Variants in CCDC125 observed in about 807,000 individuals in gnomAD.
CCDC125 encodes the protein coiled-coil domain-containing protein 125.
In CCDC125, 43 loss-of-function variants were observed where a neutral mutation model predicts 57.4. That is an observed-to-expected ratio of 0.75 (90% CI 0.59 to 0.97). CCDC125 has a LOEUF of 0.97. Among genes scored for constraint, CCDC125 ranks in the 50% least tolerant of loss-of-function variants. The probability of loss-of-function intolerance (pLI) is 0.00; values close to 1 mark genes in which losing one functional copy is unlikely to be tolerated. For synonymous variants in CCDC125, 187 were observed against 195.2 expected, an observed-to-expected ratio of 0.96 and a Z score of 0.35; for missense variants, 563 against 595.7, an observed-to-expected ratio of 0.95 and a Z score of 0.57.
intron 1 of CCDC125, among the ~76,000 whole-genome samples, chr5:69,323,237 A>C (rs1760315235): frequency 6.6e-6 from 1 of 151,894 alleles, no homozygotes; most frequent in Non-Finnish European, 1.5e-5. Context: ...TGAACCTGGG[A>C]GACAGAGGTT....
intron 11 of CCDC125, among the ~76,000 whole-genome samples, chr5:69,283,816 GTC>G (rs1752855901): frequency 1.4e-5 from 2 of 143,392 alleles, no homozygotes; most frequent in African/African-American, 5.2e-5. Flanking sequence ...TTGAGACAGA[GTC>G]TCGCTCTGTC....
At chr5:69,292,066 C>A (rs1754546114) in intron 10 of CCDC125, 122 bp downstream of exon 10, 1 of 906,560 alleles carries the variant, frequency 1.1e-6, no homozygotes, top group African/African-American at 1.7e-5. Flanking sequence ...AAGTAAACCA[C>A]AACCATATGT....
intron 1 of CCDC125, among the ~76,000 whole-genome samples, chr5:69,321,685 C>T (rs2150614757): frequency 6.6e-6 from 1 of 152,280 alleles, no homozygotes; most frequent in Admixed American, 6.5e-5. Context: ...CTGTCATTGA[C>T]TGAAACATAA....
chr5:69,322,875 A>T (rs555274968), intron 1 of CCDC125, among the ~76,000 whole-genome samples: 5 of 150,990 alleles, frequency 3.3e-5, no homozygotes, highest in African/African-American at 7.3e-5. Flanking sequence ...ATTTTTTTTT[A>T]AATTAGCTGG....
chr5:69,290,303 T>TATC (rs1223483135), intron 10 of CCDC125, among the ~76,000 whole-genome samples: 1 of 149,634 alleles, frequency 6.7e-6, no homozygotes, highest in Non-Finnish European at 1.5e-5. Flanking sequence ...TTATTATTAC[T>TATC]ATTATTATTA....
chr5:69,288,671 C>T (rs1753900463), intron 10 of CCDC125, among the ~76,000 whole-genome samples: 2 of 152,172 alleles, frequency 1.3e-5, no homozygotes, highest in Admixed American at 6.5e-5. Flanking sequence ...CTGAGGAGGG[C>T]GTCATGGGAG....
intron 3 of CCDC125, 127 bp downstream of exon 3, chr5:69,313,858 C>T: frequency 1.2e-6 from 1 of 869,332 alleles, no homozygotes; most frequent in East Asian, 2.4e-5. Context: ...CAGAGACAGC[C>T]ACAACAGAGG....
intron 1 of CCDC125, among the ~76,000 whole-genome samples, chr5:69,326,867 C>T (rs1282097819): frequency 6.6e-6 from 1 of 151,818 alleles, no homozygotes; most frequent in East Asian, 1.9e-4. Context: ...CTGGGCAACA[C>T]AGTGAGACCT....
In CCDC125 at chr5:69,281,329, A is replaced by C. The variant is rs570965849; in HGVS notation, c.*1400T>G. ...TGAGCAACACAGTGGGACCCTGTCT[A>C]CACACACACCCCACCCCCACACACC... is the stretch of plus-strand genomic sequence containing the variant. On this transcript the variant is annotated 3_prime_UTR_variant, in exon 12 of 12. Transcript: ENST00000396496. 74 of 152,194 alleles carry C rather than the reference A, an allele frequency of 4.9e-4. No homozygotes were observed. The highest frequency in any genetic ancestry group is 1.8e-3 in the African/African-American group (73 of 41,512). The allele number at this position is 152,194 out of a possible 1,614,324, so 9.4% of individuals were successfully genotyped here.
chr5:69,290,141 C>T (rs931227491), intron 10 of CCDC125, among the ~76,000 whole-genome samples: 1 of 151,864 alleles, frequency 6.6e-6, no homozygotes, highest in African/African-American at 2.4e-5. Context: ...CACTTCTTAC[C>T]CTTTTCAGCA....
At chr5:69,278,053 T>A (rs867455661), downstream of CCDC125, among the ~76,000 whole-genome samples, 250 of 152,166 alleles carry the variant, frequency 1.6e-3, 1 homozygote, top group African/African-American at 5.6e-3. Flanking sequence ...TAATTTTTTT[T>A]ATATTTTTAG....
intron 7 of CCDC125, among the ~76,000 whole-genome samples, chr5:69,301,356 G>A (rs779378373): frequency 3.3e-5 from 5 of 152,080 alleles, no homozygotes; most frequent in Non-Finnish European, 7.4e-5. Context: ...TTTTAGGGCT[G>A]GGTGCAGTGG....
chr5:69,305,411 C>A (rs767810301), intron 6 of CCDC125, among the ~76,000 whole-genome samples: 4 of 152,144 alleles, frequency 2.6e-5, no homozygotes, highest in Non-Finnish European at 5.9e-5. Flanking sequence ...CAGGGTTTCG[C>A]CACATTAGCC....
chr5:69,292,522 T>C (rs1474570489), intron 9 of CCDC125, among the ~76,000 whole-genome samples, 160 bp from the exon 10 acceptor site: 2 of 152,214 alleles, frequency 1.3e-5, no homozygotes, highest in African/African-American at 4.8e-5. Context: ...ATGCTTGCTA[T>C]TTCTGCAGTA....
At chr5:69,308,267 G>A in intron 4 of CCDC125, 1 of 542,932 alleles carries the variant, frequency 1.8e-6, no homozygotes, top group Non-Finnish European at 3.3e-6. Flanking sequence ...AAAGTGTTCA[G>A]AACAGTACTA....
At chr5:69,319,966 C>T (rs879442501) in intron 2 of CCDC125, among the ~76,000 whole-genome samples, 1 of 151,888 alleles carries the variant, frequency 6.6e-6, no homozygotes, top group Admixed American at 6.6e-5. Context: ...ACTAAAAACA[C>T]AAAAATTAGC....
intron 3 of CCDC125, 44 bp downstream of exon 3, chr5:69,313,941 G>C: frequency 1.4e-6 from 2 of 1,404,046 alleles, no homozygotes; most frequent in Non-Finnish European, 2.0e-6. Flanking sequence ...CCGCTGCTGG[G>C]ACCCAGCTAA....
In CCDC125 at chr5:69,282,633, C is replaced by T. The variant is rs1170861050; in HGVS notation, c.*96G>A. 2.0e-6 allele frequency: 2 copies of T among 1,001,088 alleles called. No homozygotes were observed. 62.0% of individuals were successfully genotyped at this position (1,001,088 alleles called of 1,614,324 possible). A position where few individuals can be genotyped will look rare whatever the true frequency, so the allele number is the denominator to read the frequency against. ...CTAAAATTTAGAAATACCTAGGAAA[C>T]ATACAACTTCTCAAGATGCAGCAAA... On this transcript the variant is annotated 3_prime_UTR_variant, in exon 12 of 12. Coordinates refer to ENST00000396496, the MANE Select transcript of CCDC125 (RefSeq NM_176816.5).
At chr5:69,294,710 T>C in intron 9 of CCDC125, 83 bp downstream of exon 9, 1 of 1,024,116 alleles carries the variant, frequency 9.8e-7, no homozygotes, top group South Asian at 1.4e-5. Context: ...TAAAATGAAG[T>C]TAATTATTGC....
Sources: allele counts gnomAD v4.1 joint callset (sites outside exome capture counted in the v4.1 genomes callset), GRCh38; gene constraint gnomAD v4.1.1; transcripts MANE v1.5; gene names NCBI Gene and HGNC (gene_info 2026-07-23, HGNC 2026-07-21).